The following MSRB3 variants were observed in gnomAD, a reference collection of about 807,000 sequenced individuals.
The protein encoded by MSRB3 is methionine sulfoxide reductase B3, also known as methionine-R-sulfoxide reductase B3.
Under a neutral mutation model 21.0 loss-of-function variants are expected in MSRB3, and 13 were observed. The ratio of observed to expected loss-of-function variants is 0.62; its 90% CI spans 0.40 to 0.98. The LOEUF (loss-of-function observed/expected upper bound fraction) is 0.98. Ranked by LOEUF, MSRB3 falls within the 50% of genes least tolerant of loss-of-function variation. MSRB3 has a pLI of 0.00. For missense variants in MSRB3, 199 were observed against 230.3 expected (o/e 0.86, Z 0.88); for synonymous variants, 87 against 88.6 (o/e 0.98, Z 0.10).
chr12:65,352,253 A>G (rs950273038), intron 4 of MSRB3, among the ~76,000 whole-genome samples: 1 of 152,186 alleles, frequency 6.6e-6, no homozygotes, highest in Admixed American at 6.6e-5. Flanking sequence ...GCCTTTGACA[A>G]AATTCAACAA....
chr12:65,390,372 A>T (rs900930570), intron 5 of MSRB3, among the ~76,000 whole-genome samples: 2 of 152,178 alleles, frequency 1.3e-5, no homozygotes, highest in African/African-American at 4.8e-5. Context: ...TCTTTTATTC[A>T]TAGGAATAAC....
At chr12:65,316,474 C>T (rs936355532) in intron 2 of MSRB3, among the ~76,000 whole-genome samples, 3 of 152,060 alleles carry the variant, frequency 2.0e-5, no homozygotes, top group Non-Finnish European at 2.9e-5. Flanking sequence ...AAAGCAAGCT[C>T]CAGAAAGGTA....
intron 5 of MSRB3, among the ~76,000 whole-genome samples, chr12:65,421,427 G>A (rs1284399347): frequency 6.6e-6 from 1 of 152,132 alleles, no homozygotes; most frequent in Non-Finnish European, 1.5e-5. Context: ...TGTTTACTCT[G>A]TTGATAGTTT....
At chr12:65,345,623 C>T (rs934625146) in intron 4 of MSRB3, among the ~76,000 whole-genome samples, 1 of 152,098 alleles carries the variant, frequency 6.6e-6, no homozygotes, top group Non-Finnish European at 1.5e-5. Context: ...GGTACGTATG[C>T]ACAACGTGCA....
intron 5 of MSRB3, among the ~76,000 whole-genome samples, chr12:65,421,797 T>A (rs533262247): frequency 2.0e-5 from 3 of 152,274 alleles, no homozygotes; most frequent in East Asian, 3.9e-4. Context: ...CACAGACTAG[T>A]GACACTACAG....
In MSRB3 at chr12:65,459,546, T is replaced by A. The variant is rs1203964973; in HGVS notation, c.391-3609T>A. 2.6e-5 allele frequency among the ~76,000 whole-genome samples: 4 copies of A among 152,222 alleles called. No individual in the cohort carries two copies. The East Asian group carries it at 7.7e-4, about 29-fold the overall frequency. On this transcript the variant is annotated intron_variant, in intron 6 of 6. Transcript: ENST00000308259. ...AAGCCCCCACTTACACACAAGTGTC[T>A]TCAATAACAGTGGGAGAAAACAGAA...
intron 6 of MSRB3, among the ~76,000 whole-genome samples, chr12:65,462,843 C>T (rs1883390256): frequency 6.6e-6 from 1 of 152,206 alleles, no homozygotes; most frequent in Non-Finnish European, 1.5e-5. Flanking sequence ...AAGGGAAGAT[C>T]AAGGGTCAAC....
chr12:65,460,679 A>G (rs1021802072), intron 6 of MSRB3, among the ~76,000 whole-genome samples: 6 of 150,648 alleles, frequency 4.0e-5, no homozygotes, highest in Non-Finnish European at 8.8e-5. Flanking sequence ...CTCAACCCAT[A>G]TATTTGTTAG....
At chr12:65,303,825 G>T (rs1374711438) in intron 1 of MSRB3, among the ~76,000 whole-genome samples, 2 of 152,080 alleles carry the variant, frequency 1.3e-5, no homozygotes, top group Non-Finnish European at 2.9e-5. Context: ...CGTTAGGAAT[G>T]GTGGAGGTTG....
chr12:65,391,472 A>G (rs1879478353), intron 5 of MSRB3, among the ~76,000 whole-genome samples: 2 of 152,206 alleles, frequency 1.3e-5, no homozygotes, highest in South Asian at 4.1e-4. Context: ...TTCTGGTTGT[A>G]GACTTTTAAT....
At chr12:65,288,871 A>G (rs886643758) in intron 1 of MSRB3, among the ~76,000 whole-genome samples, 1 of 152,228 alleles carries the variant, frequency 6.6e-6, no homozygotes, top group African/African-American at 2.4e-5. Context: ...GATGATTTTA[A>G]AAAGTATCTT....
intron 5 of MSRB3, among the ~76,000 whole-genome samples, chr12:65,383,659 AAT>A (rs1491181146): frequency 8.0e-5 from 8 of 100,614 alleles, no homozygotes; most frequent in Middle Eastern, 6.7e-3. Flanking sequence ...TTGTTAGTAG[AAT>A]TTTTTTTTTT....
chr12:65,287,563 G>A (rs904475650), intron 1 of MSRB3, among the ~76,000 whole-genome samples: 3 of 152,198 alleles, frequency 2.0e-5, no homozygotes, highest in Non-Finnish European at 4.4e-5. Flanking sequence ...GGAAAGGTAA[G>A]GTCATATCTT....
At chr12:65,456,029 G>A (rs1401796401) in intron 6 of MSRB3, among the ~76,000 whole-genome samples, 2 of 152,138 alleles carry the variant, frequency 1.3e-5, no homozygotes, top group Non-Finnish European at 2.9e-5. Flanking sequence ...GAGCCACCGT[G>A]CCCAGCCTGC....
At chr12:65,447,361 C>A (rs1351812072) in intron 5 of MSRB3, among the ~76,000 whole-genome samples, 1 of 151,930 alleles carries the variant, frequency 6.6e-6, no homozygotes, top group Non-Finnish European at 1.5e-5. Flanking sequence ...GAACAATTTC[C>A]CAGAAGGAGC....
chr12:65,356,397 A>G (rs903561343), intron 4 of MSRB3, among the ~76,000 whole-genome samples: 13 of 151,906 alleles, frequency 8.6e-5, no homozygotes, highest in Non-Finnish European at 1.9e-4. Context: ...CACAAAGACA[A>G]CTTTATAACA....
At chr12:65,389,276 T>C (rs952402425) in intron 5 of MSRB3, among the ~76,000 whole-genome samples, 2 of 152,214 alleles carry the variant, frequency 1.3e-5, no homozygotes, top group African/African-American at 4.8e-5. Context: ...GATTCCATTG[T>C]AAATACATTC....
intron 1 of MSRB3, among the ~76,000 whole-genome samples, chr12:65,299,589 C>T (rs1873187618): frequency 6.6e-6 from 1 of 152,106 alleles, no homozygotes; most frequent in African/African-American, 2.4e-5. Flanking sequence ...CATCTAGCTG[C>T]AAGGGAAGGT....
intron 5 of MSRB3, among the ~76,000 whole-genome samples, chr12:65,416,515 G>A (rs1476175221): frequency 6.6e-6 from 1 of 152,198 alleles, no homozygotes; most frequent in Non-Finnish European, 1.5e-5. Flanking sequence ...AGATGGGATA[G>A]CCTACTACAC....
Sources: allele counts gnomAD v4.1 joint callset (sites outside exome capture counted in the v4.1 genomes callset), GRCh38; gene constraint gnomAD v4.1.1; transcripts MANE v1.5; gene names NCBI Gene and HGNC (gene_info 2026-07-23, HGNC 2026-07-21).